NCOA7: variants seen among roughly 807,000 people sequenced by gnomAD.
NCOA7 encodes the protein nuclear receptor coactivator 7.
NCOA7 carries 45 observed loss-of-function variants against 104.3 expected under a neutral mutation model. That is an observed-to-expected ratio of 0.43 (90% CI 0.34 to 0.55). The LOEUF is 0.55. Ranked by LOEUF, NCOA7 falls within the 20% of genes least tolerant of loss-of-function variation. NCOA7 has a pLI of 0.02. For synonymous variants in NCOA7, 398 were observed against 402.3 expected (o/e 0.99, Z 0.13); for missense variants, 1,041 against 1,119.7 (o/e 0.93, Z 1.00).
intron 11 of NCOA7, among the ~76,000 whole-genome samples, chr6:125,917,421 C>T (rs1286443918): frequency 1.3e-5 from 2 of 152,052 alleles, no homozygotes; most frequent in Admixed American, 6.5e-5. Flanking sequence ...CCTGCTGTGC[C>T]CTGTCCCTGG....
At chr6:125,812,816 C>T (rs1477997731) in intron 1 of NCOA7, among the ~76,000 whole-genome samples, 3 of 152,308 alleles carry the variant, frequency 2.0e-5, no homozygotes, top group African/African-American at 7.2e-5. Flanking sequence ...TGCCGTAACC[C>T]ACGCAGTTCC....
chr6:125,859,337 G>C (rs1781853689), intron 3 of NCOA7, among the ~76,000 whole-genome samples: 1 of 152,178 alleles, frequency 6.6e-6, no homozygotes, highest in Non-Finnish European at 1.5e-5. Flanking sequence ...CTGCCAGGTA[G>C]ATTTGTCTAG....
chr6:125,835,320 A>G (rs150312531), intron 2 of NCOA7, among the ~76,000 whole-genome samples: 27 of 152,290 alleles, frequency 1.8e-4, no homozygotes, highest in African/African-American at 6.3e-4. Flanking sequence ...AAATTCCTGT[A>G]ATAGTCAGGA....
At chr6:125,817,085 C>T (rs946168200) in intron 2 of NCOA7, among the ~76,000 whole-genome samples, 20 of 152,160 alleles carry the variant, frequency 1.3e-4, no homozygotes, top group African/African-American at 4.8e-4. Flanking sequence ...TTGCATGTAT[C>T]GATAGTTTGT....
At chr6:125,834,895 A>G (rs1238662822) in intron 2 of NCOA7, among the ~76,000 whole-genome samples, 3 of 152,236 alleles carry the variant, frequency 2.0e-5, no homozygotes, top group African/African-American at 7.2e-5. Context: ...GTGATTGGCT[A>G]TGCATTAAGT....
intron 12 of NCOA7, among the ~76,000 whole-genome samples, 175 bp downstream of exon 12, chr6:125,921,243 C>T (rs758289133): frequency 6.6e-6 from 1 of 152,150 alleles, no homozygotes; most frequent in Non-Finnish European, 1.5e-5. Flanking sequence ...AACCCCATCT[C>T]TACTAAAAAT....
intron 2 of NCOA7, among the ~76,000 whole-genome samples, chr6:125,819,962 T>C (rs1778012900): frequency 6.6e-6 from 1 of 152,210 alleles, no homozygotes; most frequent in African/African-American, 2.4e-5. Flanking sequence ...GTGGGAGGTT[T>C]ACTTTTCCCC....
rs1439638435 is a variant in NCOA7 at position 125,874,897 on chromosome 6, C to A, written c.280C>A (p.Gln94Lys). ...LKRYYSIDDN[Q>K]NKTHDKKEKK... ...TACAATTTATTCTTCAGATGACAAT[C>A]AAAACAAAACACATGATAAAAAAGA... The change falls in exon 4 of 16, where the codon CAA (glutamine) becomes AAA (lysine). Residue 94 changes from glutamine (Q) to lysine (K), a missense_variant. By Grantham distance (53) the Gln-to-Lys change is moderately conservative. Transcript: ENST00000392477. 4 of 1,612,178 alleles carry A rather than the reference C, an allele frequency of 2.5e-6. No homozygotes were observed. Among genetic ancestry groups the A allele is most frequent in the Non-Finnish European group, 3.4e-6 (4 of 1,178,518 alleles).
intron 1 of NCOA7, among the ~76,000 whole-genome samples, chr6:125,784,995 C>CAT (rs1774394513): frequency 7.2e-6 from 1 of 139,626 alleles, no homozygotes; most frequent in African/African-American, 3.2e-5. Flanking sequence ...TAAACACACA[C>CAT]ACACACACAC....
Position 125,889,452 on chromosome 6 carries a change from C to T in NCOA7, c.1398C>T (p.Ala466=), listed in dbSNP as rs1345937408. 1 of 1,613,856 alleles carries T rather than the reference C, an allele frequency of 6.2e-7. No homozygotes were observed. The highest frequency in any genetic ancestry group is 1.3e-5 in the African/African-American group (1 of 74,886). The change falls in exon 9 of 16, where the codon GCC becomes GCT. Residue 466 remains alanine, a synonymous_variant. Coordinates refer to ENST00000392477, the MANE Select transcript of NCOA7 (RefSeq NM_181782.5). ...CCGTGGAAATGCAGGTGCAGTCAGC[C>T]CTAGCCTTTTTGGGAACAGAGAATG... ...NSAVEMQVQS[A]LAFLGTENDV...
chr6:125,795,069 C>T (rs907170541), intron 1 of NCOA7, among the ~76,000 whole-genome samples: 1 of 152,184 alleles, frequency 6.6e-6, no homozygotes, highest in African/African-American at 2.4e-5. Context: ...GATGTTTTGA[C>T]ACCTAATTGT....
chr6:125,893,719 T>C (rs189045067), intron 10 of NCOA7, among the ~76,000 whole-genome samples: 54 of 152,296 alleles, frequency 3.5e-4, no homozygotes, highest in African/African-American at 1.3e-3. Context: ...AAGTTTTAGA[T>C]ACTAGAAATT....
Position 125,882,558 on chromosome 6 carries a change from A to T in NCOA7, c.699+7A>T, listed in dbSNP as rs760963071. 2 of 1,610,082 alleles carry T rather than the reference A, an allele frequency of 1.2e-6. No individual in the cohort carries two copies. Among genetic ancestry groups the T allele is most frequent in the Non-Finnish European group, 1.7e-6 (2 of 1,178,444 alleles). On this transcript the variant is annotated splice_region_variant and intron_variant, in intron 7 of 15. Transcript: ENST00000392477. The stretch of plus-strand genomic sequence containing the variant: ...ATACTTCACCGATGGAAAGGTATAT[A>T]GCAATGTAATTTGTTTCCTTTCCTT...
At chr6:125,881,363 A>T (rs145093752) in intron 6 of NCOA7, among the ~76,000 whole-genome samples, 160 bp downstream of exon 6, 2 of 152,256 alleles carry the variant, frequency 1.3e-5, no homozygotes, top group Non-Finnish European at 2.9e-5. Context: ...AAACTTATTC[A>T]CATTTAAGGT....
chr6:125,793,266 T>A (rs534248975), intron 1 of NCOA7, among the ~76,000 whole-genome samples: 3 of 152,334 alleles, frequency 2.0e-5, no homozygotes, highest in Admixed American at 1.3e-4. Flanking sequence ...AGCAATTAAT[T>A]TACCTGGCTC....
intron 1 of NCOA7, among the ~76,000 whole-genome samples, chr6:125,809,013 C>T (rs1483547372): frequency 6.6e-6 from 1 of 152,196 alleles, no homozygotes; most frequent in Non-Finnish European, 1.5e-5. Flanking sequence ...AGATGTCAAA[C>T]CCTTTCCCGA....
At chr6:125,928,463 T>C (rs570718955) in intron 15 of NCOA7, among the ~76,000 whole-genome samples, 173 bp from the exon 16 acceptor site, 1 of 152,266 alleles carries the variant, frequency 6.6e-6, no homozygotes, top group South Asian at 2.1e-4. Context: ...CCACTTGTCT[T>C]TTAGGAAGAC....
chr6:125,788,174 A>C (rs1273024308), upstream of NCOA7, among the ~76,000 whole-genome samples: 2 of 152,234 alleles, frequency 1.3e-5, no homozygotes, highest in African/African-American at 2.4e-5. Flanking sequence ...ACTGTTCAAA[A>C]GGATTTTCTG....
chr6:125,829,425 G>A (rs921040356), intron 2 of NCOA7, among the ~76,000 whole-genome samples: 4 of 152,200 alleles, frequency 2.6e-5, no homozygotes, highest in African/African-American at 9.7e-5. Flanking sequence ...TGTTTTAAGT[G>A]AGGACCAATC....
Sources: allele counts gnomAD v4.1 joint callset (sites outside exome capture counted in the v4.1 genomes callset), GRCh38; gene constraint gnomAD v4.1.1; transcripts MANE v1.5; gene names NCBI Gene and HGNC (gene_info 2026-07-23, HGNC 2026-07-21).